Variants in CFAP44 observed in about 807,000 individuals in gnomAD.
CFAP44 encodes the protein cilia- and flagella-associated protein 44.
A neutral mutation model predicts 216.2 loss-of-function variants in CFAP44; 134 were observed. That is an observed-to-expected ratio of 0.62 (90% CI 0.54 to 0.72). The LOEUF is 0.72. Ranked by LOEUF, CFAP44 falls within the 30% of genes least tolerant of loss-of-function variation. CFAP44 has a pLI of 0.00. For synonymous variants in CFAP44, 700 were observed against 727.6 expected, an observed-to-expected ratio of 0.96 and a Z score of 0.61; for missense variants, 2,035 against 2,182.1, an observed-to-expected ratio of 0.93 and a Z score of 1.34.
intron 1 of CFAP44, among the ~76,000 whole-genome samples, chr3:113,439,424 T>G (rs1370413418): frequency 6.6e-6 from 1 of 152,210 alleles, no homozygotes. Context: ...GCCCAACAAT[T>G]GCCTGTCCAA....
chr3:113,365,879 T>C (rs1950582253), intron 19 of CFAP44, among the ~76,000 whole-genome samples, 160 bp downstream of exon 19: 1 of 152,180 alleles, frequency 6.6e-6, no homozygotes, highest in South Asian at 2.1e-4. Flanking sequence ...ATATTTGATA[T>C]ATAAGCACCA....
intron 15 of CFAP44, among the ~76,000 whole-genome samples, chr3:113,394,121 C>T (rs1933924560): frequency 6.6e-6 from 1 of 152,174 alleles, no homozygotes; most frequent in Admixed American, 6.5e-5. Context: ...TCAGTTTCTA[C>T]CACTGGTTAC....
chr3:113,425,472 ACT>A (rs1285230735), intron 4 of CFAP44, among the ~76,000 whole-genome samples: 3 of 152,014 alleles, frequency 2.0e-5, no homozygotes, highest in African/African-American at 7.3e-5. Context: ...ATCTTAAAAG[ACT>A]CTTATTCTCC....
At chr3:113,322,657 T>G (rs768821786) in intron 28 of CFAP44, among the ~76,000 whole-genome samples, 9 of 152,214 alleles carry the variant, frequency 5.9e-5, no homozygotes, top group Non-Finnish European at 1.3e-4. Flanking sequence ...GTTCAGCCAC[T>G]GTGGAAAGCA....
chr3:113,424,415 G>A (rs548971755), intron 4 of CFAP44, among the ~76,000 whole-genome samples: 24 of 152,252 alleles, frequency 1.6e-4, no homozygotes, highest in African/African-American at 5.8e-4. Flanking sequence ...CAGCCTGGAC[G>A]ACAGAGCAAG....
At chr3:113,393,807 G>A (rs976121700) in intron 15 of CFAP44, among the ~76,000 whole-genome samples, 11 of 152,070 alleles carry the variant, frequency 7.2e-5, no homozygotes, top group African/African-American at 1.9e-4. Context: ...GAGCCACCGC[G>A]CCTGATCTCC....
chr3:113,344,096 G>A (rs1300885713), intron 23 of CFAP44, among the ~76,000 whole-genome samples: 4 of 152,136 alleles, frequency 2.6e-5, no homozygotes, highest in Non-Finnish European at 5.9e-5. Context: ...GAAATGCAGT[G>A]TTTTAGCCCT....
chr3:113,385,791 C>T (rs1013300166), intron 15 of CFAP44, among the ~76,000 whole-genome samples: 1 of 149,606 alleles, frequency 6.7e-6, no homozygotes. Flanking sequence ...AGGCATGCCA[C>T]CACAAAGCTA....
chr3:113,410,892 T>C (rs374528658), intron 6 of CFAP44, among the ~76,000 whole-genome samples: 13 of 152,352 alleles, frequency 8.5e-5, no homozygotes, highest in South Asian at 6.2e-4. Context: ...ATTTCTCTGA[T>C]GGCCAGTGAT....
At chr3:113,409,361 T>C (rs1398669816) in intron 6 of CFAP44, 39 bp from the exon 7 acceptor site, 60 of 1,560,038 alleles carry the variant, frequency 3.8e-5, no homozygotes, top group Non-Finnish European at 5.2e-5. Context: ...TAAGGACACA[T>C]TTATTTCATT....
At chr3:113,315,546 T>G (rs1046332097) in intron 28 of CFAP44, among the ~76,000 whole-genome samples, 5 of 152,194 alleles carry the variant, frequency 3.3e-5, no homozygotes, top group Admixed American at 6.5e-5. Flanking sequence ...GCAGCAAGAA[T>G]GTAAGAGACC....
chr3:113,395,679 T>G, intron 15 of CFAP44, 71 bp downstream of exon 15: 1 of 1,362,922 alleles, frequency 7.3e-7, no homozygotes, highest in Non-Finnish European at 1.0e-6. Context: ...ACCTGCTATT[T>G]TCTATCTACA....
intron 21 of CFAP44, among the ~76,000 whole-genome samples, chr3:113,360,026 C>T (rs1279672149): frequency 6.7e-6 from 1 of 148,704 alleles, no homozygotes; most frequent in Non-Finnish European, 1.5e-5. Context: ...TGGCTAAGTA[C>T]AATAAGAGTT....
At chr3:113,416,779 G>A in intron 5 of CFAP44, 152 bp from the exon 6 acceptor site, 1 of 561,832 alleles carries the variant, frequency 1.8e-6, no homozygotes, top group Non-Finnish European at 3.1e-6. Context: ...AATATTTAAT[G>A]ATGGATACAA....
In CFAP44 at chr3:113,406,949, T is replaced by G; in HGVS notation, c.983A>C (p.Tyr328Ser). The change falls in exon 8 of 35, where the codon TAC becomes TCC. Residue 328 changes from tyrosine to serine, a missense_variant. Physicochemically the swap from Tyr to Ser is moderately radical, Grantham distance 144. This residue lies in a region of CFAP44 where 1,883 missense variants were observed against 2,023.7 expected (regional missense o/e 0.93). Transcript: ENST00000393845. ...CACCTTCCCATCTGGGAGCTCCATG[T>G]AGCCTTCTATATCAGTAGTGATTGT... ...GKTITTDIEG[Y>S]MELPDGKVLS... 1.9e-6 allele frequency: 3 copies of G among 1,614,002 alleles called. No individual in the cohort carries two copies. Among genetic ancestry groups the G allele is most frequent in the Non-Finnish European group, 2.5e-6 (3 of 1,179,874 alleles).
At chr3:113,441,087 C>A (rs576534208) in intron 1 of CFAP44, among the ~76,000 whole-genome samples, 2 of 152,212 alleles carry the variant, frequency 1.3e-5, no homozygotes, top group Admixed American at 6.5e-5. Flanking sequence ...GAGGGCCCAG[C>A]GTGCCAAGCG....
At chr3:113,324,058 A>AAAAAAAAAAAG (rs1553753480) in intron 28 of CFAP44, among the ~76,000 whole-genome samples, 1 of 151,506 alleles carries the variant, frequency 6.6e-6, no homozygotes, top group African/African-American at 2.4e-5. Context: ...AAAAAAAAAA[A>AAAAAAAAAAAG]AGAGAGAAAT....
intron 29 of CFAP44, among the ~76,000 whole-genome samples, chr3:113,307,853 G>A (rs1186386507): frequency 2.6e-5 from 4 of 152,116 alleles, no homozygotes; most frequent in East Asian, 1.9e-4. Flanking sequence ...GATGGCATGC[G>A]CCTGTAGTCC....
At chr3:113,311,528 T>A (rs150296773) in intron 28 of CFAP44, among the ~76,000 whole-genome samples, 4,386 of 152,278 alleles carry the variant, frequency 0.029, 110 homozygotes, top group East Asian at 0.1. Flanking sequence ...TTCTGAGGCA[T>A]CCCCAGCCAT....
Sources: allele counts gnomAD v4.1 joint callset (sites outside exome capture counted in the v4.1 genomes callset), GRCh38; gene constraint gnomAD v4.1.1; regional missense constraint gnomAD v4.1.1; transcripts MANE v1.5; gene names NCBI Gene and HGNC (gene_info 2026-07-23, HGNC 2026-07-21).